Variants in DOLPP1 observed in about 807,000 individuals in gnomAD.
DOLPP1 encodes the protein dolichyl pyrophosphate phosphatase 1.
DOLPP1 carries 15 observed loss-of-function variants against 34.1 expected under a neutral mutation model. The observed-to-expected ratio is 0.44, with a 90% CI of 0.29 to 0.68. The LOEUF (loss-of-function observed/expected upper bound fraction) is 0.68. Among genes scored for constraint, DOLPP1 ranks in the 30% least tolerant of loss-of-function variants. The pLI, the probability that DOLPP1 is intolerant of heterozygous loss-of-function variation, is 0.12. For missense variants in DOLPP1, 249 were observed against 307.1 expected (o/e 0.81, Z 1.41); for synonymous variants, 130 against 128.2 (o/e 1.01, Z -0.10).
rs1403490560 is a variant in DOLPP1, at chr9:129,084,661, T to C, written c.77-7T>C. 6.3e-7 allele frequency: 1 copy of C among 1,590,080 alleles called. No individual in the cohort carries two copies. Among genetic ancestry groups the C allele is most frequent in the African/African-American group, 1.3e-5 (1 of 74,660 alleles). On this transcript the variant is annotated splice_region_variant and splice_polypyrimidine_tract_variant and intron_variant, in intron 1 of 7. Coordinates refer to ENST00000372546, the MANE Select transcript of DOLPP1 (RefSeq NM_020438.5). Reference sequence around the variant, plus strand: ...TGTCCTCCTGATTCTGTTCTCTGTCTTGCCAGGTGATCTCTCTGGCCACCT... The same window carrying C: ...TGTCCTCCTGATTCTGTTCTCTGTCCTGCCAGGTGATCTCTCTGGCCACCT...
chr9:129,085,487 C>A lies in DOLPP1; in HGVS notation c.363-31C>A. On this transcript the variant is annotated intron_variant, in intron 4 of 7. Transcript: ENST00000372546. The surrounding 1 kb of genome is among the most constrained non-coding windows in gnomAD (Gnocchi z 7.0). ...TGGGAGGCCTGGGCTGGGCTGTGGG[C>A]TGAGGTCATCTGGTGGGCCTGTTTT... 1 of 1,606,546 alleles carries A rather than the reference C, an allele frequency of 6.2e-7. No homozygotes were observed. The highest frequency in any genetic ancestry group is 8.5e-7 in the Non-Finnish European group (1 of 1,174,482).
intron 1 of DOLPP1, among the ~76,000 whole-genome samples, chr9:129,083,453 C>T (rs1846927317): frequency 2.0e-5 from 3 of 152,186 alleles, no homozygotes; most frequent in Admixed American, 2.0e-4. Context: ...AGCTGGGCTG[C>T]TCTGCTCTCC....
At position 129,086,670 on chromosome 9, in the gene DOLPP1, C is replaced by G. The variant is rs1358852486; in HGVS notation, c.591-39C>G. ...GGCTGGCATGGTAACAGACTCATGC[C>G]CTGATGTGCCCCTGGCTCTCTGATG... On this transcript the variant is annotated intron_variant, in intron 6 of 7. Transcript: ENST00000372546. The G allele has an allele frequency of 1.9e-6, 3 of 1,586,682 alleles. No individual in the cohort carries two copies. In the South Asian group the frequency reaches 3.3e-5, roughly 18 times the overall value.
rs1291116418 is a variant in DOLPP1 at position 129,081,227 on chromosome 9, C to T, written c.76+20C>T. The T allele has an allele frequency of 1.2e-6, 2 of 1,606,178 alleles. No homozygotes were observed. The highest frequency in any genetic ancestry group is 1.7e-6 in the Non-Finnish European group (2 of 1,178,840). ...CTGCAGGTAAAAGGCGGTCCCGGCT[C>T]CAAGGACGCCTTCCCAGGGACGGCC... On this transcript the variant is annotated intron_variant, in intron 1 of 7. Transcript: ENST00000372546.
intron 1 of DOLPP1, 73 bp downstream of exon 1, chr9:129,081,280 C>T (rs1564147675): frequency 3.8e-6 from 6 of 1,571,872 alleles, no homozygotes; most frequent in East Asian, 2.3e-5. Flanking sequence ...CCGGCCTGCT[C>T]GAGCCCGCGG....
chr9:129,084,923 T>A (rs1280773636), intron 2 of DOLPP1, 100 bp from the exon 3 acceptor site: 1 of 1,389,792 alleles, frequency 7.2e-7, no homozygotes, highest in Non-Finnish European at 1.0e-6. Context: ...GTTACTCACC[T>A]GTTGGGCTGG....
chr9:129,086,209 G>A lies in DOLPP1; in HGVS notation c.532G>A (p.Ala178Thr), dbSNP rs149976737. The change falls in exon 6 of 8, where the codon GCC (alanine) becomes ACC (threonine). Residue 178 changes from alanine (A) to threonine (T), a missense_variant. By Grantham distance (58) the Ala-to-Thr change is moderately conservative. Transcript: ENST00000372546. ...CATCGCTGGAGGCCTCATGGCCATC[G>A]CCTGGTTCATCTTCACCCAGGAGGT... ...GGIAGGLMAI[A>T]WFIFTQEVLT... 1.2e-3 allele frequency: 1,867 copies of A among 1,613,546 alleles called. 24 individuals carry two copies. Among genetic ancestry groups the A allele is most frequent in the Non-Finnish European group, 2.1e-4 (252 of 1,179,946 alleles).
Position 129,084,670 on chromosome 9 carries a change from G to T in DOLPP1, c.79G>T (p.Asp27Tyr). The T allele has an allele frequency of 6.2e-7, 1 of 1,606,754 alleles. No individual in the cohort carries two copies. Reference sequence around the variant, plus strand: ...GATTCTGTTCTCTGTCTTGCCAGGTGATCTCTCTGGCCACCTCCTTGCCTA... The same window carrying T: ...GATTCTGTTCTCTGTCTTGCCAGGTTATCTCTCTGGCCACCTCCTTGCCTA... ...TLTHVEYPAG[D>Y]LSGHLLAYLS... Residue 27 changes from aspartate to tyrosine, a missense_variant and splice_region_variant, in exon 2 of 8, where the codon GAT becomes TAT. Coordinates refer to ENST00000372546, the MANE Select transcript of DOLPP1 (RefSeq NM_020438.5).
chr9:129,084,059 C>T (rs551129215), intron 1 of DOLPP1, among the ~76,000 whole-genome samples: 72 of 152,362 alleles, frequency 4.7e-4, no homozygotes, highest in African/African-American at 1.4e-3. Context: ...AGAAGTGGCG[C>T]GCAGCTGTTA....
rs1846976156 is a variant in DOLPP1, at chr9:129,085,682, T to C, written c.461+66T>C. 13 of 1,317,450 alleles carry C rather than the reference T, an allele frequency of 9.9e-6. No individual in the cohort carries two copies. In the South Asian group the frequency reaches 1.6e-4, roughly 16 times the overall value. 81.6% of individuals were successfully genotyped at this position (1,317,450 alleles called of 1,614,324 possible). ...TGGGGTCCTGCTGGTTCCTGGTCCC[T>C]GTCGGACCCCACCATGGACCCTAGT... is the stretch of plus-strand genomic sequence containing the variant. On this transcript the variant is annotated intron_variant, in intron 5 of 7. Coordinates refer to ENST00000372546, the MANE Select transcript of DOLPP1 (RefSeq NM_020438.5). This position sits in a 1 kb window ranked among gnomAD's most constrained non-coding sequence, Gnocchi z 7.0.
chr9:129,083,847 G>T (rs916538187), intron 1 of DOLPP1, among the ~76,000 whole-genome samples: 2 of 152,150 alleles, frequency 1.3e-5, no homozygotes, highest in Non-Finnish European at 2.9e-5. Context: ...GCTGAACCAT[G>T]CTCTCAGACC....
rs764979782 is a variant in DOLPP1, at chr9:129,085,499, G to A, written c.363-19G>A. 1.6e-5 allele frequency: 25 copies of A among 1,611,500 alleles called. No homozygotes were observed. Among genetic ancestry groups the A allele is most frequent in the South Asian group, 6.6e-5 (6 of 90,802 alleles). On this transcript the variant is annotated intron_variant, in intron 4 of 7. Transcript: ENST00000372546. The surrounding 1 kb of genome is among the most constrained non-coding windows in gnomAD (Gnocchi z 7.0). ...GCTGGGCTGTGGGCTGAGGTCATCT[G>A]GTGGGCCTGTTTTCGCAGAATGCAC...
intron 1 of DOLPP1, 92 bp downstream of exon 1, chr9:129,081,299 C>T (rs974868323): frequency 6.7e-7 from 1 of 1,489,404 alleles, no homozygotes; most frequent in African/African-American, 1.4e-5. Context: ...GGAGGGGGCG[C>T]CGGGGGACCG....
intron 7 of DOLPP1, among the ~76,000 whole-genome samples, chr9:129,088,121 G>A (rs535028786): frequency 7.1e-6 from 1 of 141,284 alleles, no homozygotes; most frequent in East Asian, 2.2e-4. Flanking sequence ...ATGTGGGGAC[G>A]TGGGAGCTGG....
rs971801290 is a variant in DOLPP1, at chr9:129,085,436, G to A, written c.363-82G>A. 3 of 1,528,198 alleles carry A rather than the reference G, an allele frequency of 2.0e-6. No homozygotes were observed. The highest frequency in any genetic ancestry group is 2.3e-5 in the South Asian group (2 of 87,050). The allele number at this position is 1,528,198 out of a possible 1,614,324, so 94.7% of individuals were successfully genotyped here. On this transcript the variant is annotated intron_variant, in intron 4 of 7. Transcript: ENST00000372546. This position sits in a 1 kb window ranked among gnomAD's most constrained non-coding sequence, Gnocchi z 7.0. ...AGCGGAGGCAGAAGGTACCCAGGGAGCATTTGGATGGGGCCAGGGACTGTT... is the reference window on the plus strand; with the variant it reads ...AGCGGAGGCAGAAGGTACCCAGGGAACATTTGGATGGGGCCAGGGACTGTT...
rs199650840 is a variant in DOLPP1, at chr9:129,081,256, C to G, written c.76+49C>G. 3 of 1,597,524 alleles carry G rather than the reference C, an allele frequency of 1.9e-6. No individual in the cohort carries two copies. In the East Asian group the frequency reaches 6.8e-5, roughly 36 times the overall value. On this transcript the variant is annotated intron_variant, in intron 1 of 7. Coordinates refer to ENST00000372546, the MANE Select transcript of DOLPP1 (RefSeq NM_020438.5). ...GGACGCCTTCCCAGGGACGGCCTCT[C>G]AGTCCCGGGCGCTCCGGCCTGCTCG...
chr9:129,089,098 C>T lies in DOLPP1; in HGVS notation c.*91C>T. 1 of 1,320,906 alleles carries T rather than the reference C, an allele frequency of 7.6e-7. No individual in the cohort carries two copies. The highest frequency in any genetic ancestry group is 1.1e-6 in the Non-Finnish European group (1 of 926,266). The allele number at this position is 1,320,906 out of a possible 1,614,324, so 81.8% of individuals were successfully genotyped here. A position where few individuals can be genotyped will look rare whatever the true frequency, so the allele number is the denominator to read the frequency against. On this transcript the variant is annotated 3_prime_UTR_variant, in exon 8 of 8. Transcript: ENST00000372546. This position sits in a 1 kb window ranked among gnomAD's most constrained non-coding sequence, Gnocchi z 4.9. ...ATGACAGACAGGGACGAAGCAGAGA[C>T]CTCTACAGACCCAAGTCACCAAGTG... is the stretch of plus-strand genomic sequence containing the variant.
At chr9:129,088,897 C>T (rs369404543) in intron 7 of DOLPP1, 74 bp from the exon 8 acceptor site, 168 of 1,500,692 alleles carry the variant, frequency 1.1e-4, no homozygotes, top group Non-Finnish European at 1.4e-4. Context: ...GTTGGGACTA[C>T]GGGTGGGGTG....
chr9:129,086,818 G>A lies in DOLPP1; in HGVS notation c.680+20G>A. 1 of 1,608,858 alleles carries A rather than the reference G, an allele frequency of 6.2e-7. No homozygotes were observed. Reference sequence around the variant, plus strand: ...AGCCAGGTGAGTTCAGGGGACAGCAGTGCTCACTGGGCCAGCCACAGGCAG... The same window carrying A: ...AGCCAGGTGAGTTCAGGGGACAGCAATGCTCACTGGGCCAGCCACAGGCAG... On this transcript the variant is annotated intron_variant, in intron 7 of 7. Coordinates refer to ENST00000372546, the MANE Select transcript of DOLPP1 (RefSeq NM_020438.5).
Sources: gnomAD v4.1 joint callset for allele counts (sites outside exome capture counted in the v4.1 genomes callset) on GRCh38, gnomAD v4.1.1 for gene constraint, Gnocchi (gnomAD v3.1) non-coding constraint, MANE v1.5 for transcripts, NCBI Gene and HGNC (gene_info 2026-07-23, HGNC 2026-07-21) for gene names.